The following COL18A1 variants were observed in gnomAD, a reference collection of about 807,000 sequenced individuals.
The protein encoded by COL18A1 is collagen alpha-1(XVIII) chain.
A neutral mutation model predicts 168.0 loss-of-function variants in COL18A1; 133 were observed. That is an observed-to-expected ratio of 0.79 (90% CI 0.69 to 0.91). COL18A1 has a LOEUF of 0.91. Among genes scored for constraint, COL18A1 ranks in the 40% least tolerant of loss-of-function variants. COL18A1 has a pLI of 0.00. For missense variants in COL18A1, 2,126 were observed against 1,925.4 expected, an observed-to-expected ratio of 1.10 and a Z score of -1.95; for synonymous variants, 949 against 809.0, an observed-to-expected ratio of 1.17 and a Z score of -2.94.
intron 32 of COL18A1, among the ~76,000 whole-genome samples, chr21:45,500,615 GGTGT>G (rs752154803): frequency 2.5e-3 from 14 of 5,528 alleles, no homozygotes; most frequent in South Asian, 6.9e-3. Context: ...GGTGTGGTTT[GGTGT>G]GTGTGTGTTG....
chr21:45,416,164 C>T (rs923672808), intron 2 of COL18A1, among the ~76,000 whole-genome samples: 12 of 152,306 alleles, frequency 7.9e-5, no homozygotes, highest in Middle Eastern at 3.4e-3. Context: ...GCATCTGGAT[C>T]GTGGCTCCCT....
chr21:45,485,596 T>C (rs1241499480), intron 15 of COL18A1, among the ~76,000 whole-genome samples: 1 of 152,228 alleles, frequency 6.6e-6, no homozygotes, highest in African/African-American at 2.4e-5. Context: ...CTCATGAAGT[T>C]AGCCCTCAAG....
At position 45,479,983 on chromosome 21, in the gene COL18A1, G is replaced by A; in HGVS notation, c.1311+19G>A. On this transcript the variant is annotated intron_variant, in intron 10 of 41. Transcript: ENST00000651438. ...CGACAAGGTGAGTCTCCGTGGCTGGGTGGGGCCCCTTCCTGTGTTGGCCCT... is the reference window on the plus strand; with the variant it reads ...CGACAAGGTGAGTCTCCGTGGCTGGATGGGGCCCCTTCCTGTGTTGGCCCT... The A allele has an allele frequency of 1.2e-6, 2 of 1,613,894 alleles. No homozygotes were observed. The highest frequency in any genetic ancestry group is 8.5e-7 in the Non-Finnish European group (1 of 1,179,964).
chr21:45,437,525 CAG>C (rs1362921388), intron 2 of COL18A1, among the ~76,000 whole-genome samples: 10 of 19,130 alleles, frequency 5.2e-4, no homozygotes, highest in African/African-American at 6.1e-4. Flanking sequence ...CACACACACT[CAG>C]ACACACAGGC....
Position 45,493,512 on chromosome 21 carries a change from T to A in COL18A1, c.2289T>A (p.Gly763=). 6.4e-7 allele frequency: 1 copy of A among 1,560,820 alleles called. No individual in the cohort carries two copies. The highest frequency in any genetic ancestry group is 1.4e-5 in the African/African-American group (1 of 73,448). ...TCCTGCCATTCCAGGGTGAGAAGGG[T>A]GAACCGGGCAGCATCTTCAGCCCCG... ...RGSPGPKGEK[G]EPGSIFSPDG... The change falls in exon 26 of 42, where the codon GGT becomes GGA. Residue 763 remains glycine, a synonymous_variant. Transcript: ENST00000651438.
At chr21:45,453,165 G>T (rs2034685572) in intron 2 of COL18A1, among the ~76,000 whole-genome samples, 1 of 152,034 alleles carries the variant, frequency 6.6e-6, no homozygotes. Flanking sequence ...GTGTGAGCAT[G>T]TATGTGTGTG....
At chr21:45,506,064 G>A in intron 37 of COL18A1, 98 bp downstream of exon 37, 6 of 1,567,726 alleles carry the variant, frequency 3.8e-6, no homozygotes, top group Non-Finnish European at 5.2e-6. Context: ...GGACAGGGAT[G>A]GGAGCAGGTG....
rs78722234 is a variant in COL18A1 at position 45,418,553 on chromosome 21, C to T, written c.106+13080C>T. ...CTGCGATCACTGCAGAGGCTGCCTC[C>T]TTGCTGAGCCTCGGGGTGCTCACCG... is the stretch of plus-strand genomic sequence containing the variant. On this transcript the variant is annotated intron_variant, in intron 2 of 41. Coordinates refer to ENST00000651438, the MANE Select transcript of COL18A1 (RefSeq NM_001379500.1). Among the ~76,000 whole-genome samples, 1,428 of 152,278 alleles carry T rather than the reference C, an allele frequency of 9.4e-3. 21 individuals are homozygous for T. The highest frequency in any genetic ancestry group is 0.032 in the African/African-American group (1,341 of 41,550).
At chr21:45,505,663 G>C (rs956151432) in intron 36 of COL18A1, among the ~76,000 whole-genome samples, 175 bp from the exon 37 acceptor site, 3 of 152,196 alleles carry the variant, frequency 2.0e-5, no homozygotes, top group Admixed American at 6.5e-5. Context: ...CGGAGGCGCA[G>C]GAGCTGGCGG....
intron 28 of COL18A1, 154 bp downstream of exon 28, chr21:45,495,069 T>G: frequency 1.4e-6 from 1 of 726,196 alleles, no homozygotes; most frequent in Admixed American, 2.4e-5. Flanking sequence ...GCGCAGCTCT[T>G]GTCCTGGATG....
At chr21:45,452,981 T>G (rs534969940) in intron 2 of COL18A1, among the ~76,000 whole-genome samples, 8 of 152,152 alleles carry the variant, frequency 5.3e-5, no homozygotes, top group Admixed American at 5.2e-4. Context: ...TGCATGAGTA[T>G]TCACATGTGA....
intron 2 of COL18A1, among the ~76,000 whole-genome samples, chr21:45,450,586 T>A (rs1449030621): frequency 6.6e-6 from 1 of 152,094 alleles, no homozygotes. Flanking sequence ...CCACACTATT[T>A]AGGAATTTAA....
intron 2 of COL18A1, among the ~76,000 whole-genome samples, chr21:45,406,951 C>T (rs897890074): frequency 2.0e-5 from 3 of 152,242 alleles, no homozygotes; most frequent in Non-Finnish European, 4.4e-5. Context: ...TCTTCTGTCC[C>T]GGGCCTGCCC....
chr21:45,507,659 C>CTGTT (rs1491314645), intron 38 of COL18A1, 66 bp downstream of exon 38: 1 of 1,465,170 alleles, frequency 6.8e-7, no homozygotes, highest in Non-Finnish European at 9.5e-7. Flanking sequence ...GTGCTGTCCC[C>CTGTT]TGTTTGAGGA....
Position 45,425,323 on chromosome 21 carries a change from G to A in COL18A1, c.106+19850G>A, listed in dbSNP as rs1285700379. 6.6e-6 allele frequency among the ~76,000 whole-genome samples: 1 copy of A among 152,162 alleles called. No individual in the cohort carries two copies. Among genetic ancestry groups the A allele is most frequent in the Non-Finnish European group, 1.5e-5 (1 of 68,032 alleles). On this transcript the variant is annotated intron_variant, in intron 2 of 41. Transcript: ENST00000651438. The surrounding 1 kb of genome is among the most constrained non-coding windows in gnomAD (Gnocchi z 4.1). ...GAGTGCAGTGTGACCGCGTCCACCT[G>A]TCTCCCTGGACACGCCTGTCAGAGC...
At chr21:45,452,253 A>G (rs2183590) in intron 2 of COL18A1, among the ~76,000 whole-genome samples, 23,268 of 152,278 alleles carry the variant, frequency 0.15, 2,328 homozygotes, top group African/African-American at 0.27. Flanking sequence ...GGGCAACACC[A>G]GGGTGCTTTC....
rs756797124 is a variant in COL18A1 at position 45,505,235 on chromosome 21, A to AGGCCCCCCAG, written c.2978_2987dup (p.Ser997ArgfsTer93). 5.0e-6 allele frequency: 8 copies of AGGCCCCCCAG among 1,594,918 alleles called. No homozygotes were observed. In the Admixed American group the frequency reaches 1.2e-4, roughly 24 times the overall value. ...GGCGCCAGGGCCCTCCCGGCCCCCC[A>AGGCCCCCCAG]GGCCCCCCAGGGCCCCCTTCATTTC... On this transcript the variant is annotated frameshift_variant, in exon 35 of 42. Coordinates refer to ENST00000651438, the MANE Select transcript of COL18A1 (RefSeq NM_001379500.1). LOFTEE classifies it high-confidence loss of function.
intron 6 of COL18A1, 51 bp downstream of exon 6, chr21:45,476,531 G>A (rs370912374): frequency 1.1e-5 from 17 of 1,551,226 alleles, no homozygotes; most frequent in Non-Finnish European, 1.5e-5. Context: ...TGTGTGTGGT[G>A]TGTAACGTGT....
intron 19 of COL18A1, among the ~76,000 whole-genome samples, 178 bp downstream of exon 19, chr21:45,489,699 G>A (rs1354392513): frequency 6.6e-6 from 1 of 151,882 alleles, no homozygotes; most frequent in Non-Finnish European, 1.5e-5. Flanking sequence ...CACCTGCAGG[G>A]CACCCAACCC....
Sources: allele counts gnomAD v4.1 joint callset (sites outside exome capture counted in the v4.1 genomes callset), GRCh38; gene constraint gnomAD v4.1.1; non-coding constraint Gnocchi (gnomAD v3.1); transcripts MANE v1.5; gene names NCBI Gene and HGNC (gene_info 2026-07-23, HGNC 2026-07-21).